The following NLK variants were observed in gnomAD, a reference collection of about 807,000 sequenced individuals.
NLK encodes nemo like kinase, also known as serine/threonine-protein kinase NLK.
NLK carries 11 observed loss-of-function variants against 59.0 expected under a neutral mutation model. The ratio of observed to expected loss-of-function variants is 0.19; its 90% confidence interval spans 0.12 to 0.31. NLK has a LOEUF of 0.31. NLK is among the 10% of genes least tolerant of loss of function. The probability of loss-of-function intolerance (pLI) is 1.00; values close to 1 mark genes in which losing one functional copy is unlikely to be tolerated. For missense variants in NLK, 410 were observed against 661.1 expected (o/e 0.62, Z 4.16); for synonymous variants, 235 against 235.9 (o/e 1.00, Z 0.03).
intron 7 of NLK, among the ~76,000 whole-genome samples, chr17:28,174,509 T>A (rs1478808040): frequency 6.6e-6 from 1 of 152,206 alleles, no homozygotes; most frequent in Non-Finnish European, 1.5e-5. Flanking sequence ...TTCCGCTTAA[T>A]GGCTAGATGC....
the NLK span, among the ~76,000 whole-genome samples, chr17:28,203,399 C>A: frequency 1.1e-4 from 17 of 152,176 alleles, no homozygotes; most frequent in Non-Finnish European, 2.1e-4. Context: ...TCACCACTGT[C>A]ACTCTCATGG....
chr17:28,090,640 C>T (rs1323805495), intron 1 of NLK, among the ~76,000 whole-genome samples: 1 of 151,888 alleles, frequency 6.6e-6, no homozygotes, highest in Non-Finnish European at 1.5e-5. Context: ...GGGAGGATCG[C>T]TTGAGGCCAG....
At chr17:28,083,490 A>G (rs1459895511) in intron 1 of NLK, among the ~76,000 whole-genome samples, 1 of 152,194 alleles carries the variant, frequency 6.6e-6, no homozygotes, top group Non-Finnish European at 1.5e-5. Flanking sequence ...GAGCCTTTGT[A>G]GTGAATGCTA....
the NLK span, among the ~76,000 whole-genome samples, chr17:28,204,783 A>G: frequency 6.6e-6 from 1 of 152,236 alleles, no homozygotes; most frequent in African/African-American, 2.4e-5. Context: ...GTTGGGGTTC[A>G]GGGCTGGATA....
intron 5 of NLK, among the ~76,000 whole-genome samples, chr17:28,166,076 G>A (rs535928405): frequency 1.8e-4 from 27 of 152,266 alleles, no homozygotes; most frequent in Middle Eastern, 3.4e-3. Flanking sequence ...TTAGCCAGGC[G>A]TGGTGGCGCA....
At chr17:28,168,416 T>TTGATAATG in intron 5 of NLK, 32 bp from the exon 6 acceptor site, 4 of 1,466,248 alleles carry the variant, frequency 2.7e-6, no homozygotes, top group Non-Finnish European at 3.8e-6. Flanking sequence ...TTGTATTTGC[T>TTGATAATG]TGATAATGTT....
At position 28,051,655 on chromosome 17, in the gene NLK, C is replaced by CTTTTTTTTT. The variant is rs749091116; in HGVS notation, c.458+8331_458+8339dup. Among the ~76,000 whole-genome samples, 746 of 137,822 alleles carry CTTTTTTTTT rather than the reference C, an allele frequency of 5.4e-3. 9 individuals carry two copies. Among genetic ancestry groups the CTTTTTTTTT allele is most frequent in the African/African-American group, 0.019 (701 of 37,490 alleles). 90.4% of individuals were successfully genotyped at this position (137,822 alleles called of 152,430 possible). On this transcript the variant is annotated intron_variant, in intron 1 of 10. Coordinates refer to ENST00000407008, the MANE Select transcript of NLK (RefSeq NM_016231.5). ...TACAGTTGTGAGCCACTGCGCCCGG[C>CTTTTTTTTT]TTTTTTTTTTTTTTTAAACAATGGG...
Position 28,052,862 on chromosome 17 carries a change from CCAG to C in NLK, c.458+9534_458+9536del, listed in dbSNP as rs113607018. Among the ~76,000 whole-genome samples the C allele has an allele frequency of 2.6e-3, 389 of 151,074 alleles. 4 individuals carry two copies. Among genetic ancestry groups the C allele is most frequent in the African/African-American group, 8.7e-3 (359 of 41,134 alleles). ...TTCTGTAGCCACACATGGCTACTGACCAGCACCAGCATATTGATCTCTGGTGTT... is the reference window on the plus strand; with the variant it reads ...TTCTGTAGCCACACATGGCTACTGACCACCAGCATATTGATCTCTGGTGTT... On this transcript the variant is annotated intron_variant, in intron 1 of 10. Coordinates refer to ENST00000407008, the MANE Select transcript of NLK (RefSeq NM_016231.5).
intron 1 of NLK, among the ~76,000 whole-genome samples, chr17:28,089,115 A>G (rs1355165012): frequency 6.6e-6 from 1 of 152,212 alleles, no homozygotes; most frequent in Non-Finnish European, 1.5e-5. Context: ...GAACTTTGTT[A>G]AAATCATATG....
At chr17:28,082,853 T>G (rs1910394357) in intron 1 of NLK, among the ~76,000 whole-genome samples, 1 of 152,226 alleles carries the variant, frequency 6.6e-6, no homozygotes, top group Admixed American at 6.5e-5. Context: ...TCACTTATCC[T>G]AAAAGATACC....
At chr17:28,086,770 C>T (rs1198957118) in intron 1 of NLK, among the ~76,000 whole-genome samples, 8 of 151,702 alleles carry the variant, frequency 5.3e-5, no homozygotes, top group Admixed American at 3.3e-4. Context: ...TGGTGGCTCA[C>T]GCCTATAATC....
intron 3 of NLK, among the ~76,000 whole-genome samples, chr17:28,142,701 C>T (rs1183102091): frequency 6.6e-6 from 1 of 152,040 alleles, no homozygotes; most frequent in Non-Finnish European, 1.5e-5. Flanking sequence ...AAACTTCCTT[C>T]CCCTGTGCAC....
At chr17:28,065,346 A>G (rs779964889) in intron 1 of NLK, among the ~76,000 whole-genome samples, 10 of 152,040 alleles carry the variant, frequency 6.6e-5, no homozygotes, top group Non-Finnish European at 1.5e-4. Context: ...GGGCAGCTCA[A>G]GCAGAGGGAA....
chr17:28,174,776 C>T (rs1156770217), intron 7 of NLK, among the ~76,000 whole-genome samples: 1 of 152,140 alleles, frequency 6.6e-6, no homozygotes, highest in Admixed American at 6.5e-5. Flanking sequence ...TCAACAGGTT[C>T]TTGAAGCTCT....
At chr17:28,075,461 T>G (rs182796168) in intron 1 of NLK, among the ~76,000 whole-genome samples, 39 of 152,344 alleles carry the variant, frequency 2.6e-4, no homozygotes, top group African/African-American at 9.4e-4. Flanking sequence ...ACAACTTGTA[T>G]GGCAACTTCT....
chr17:28,176,908 G>GA (rs1908702090), intron 7 of NLK, among the ~76,000 whole-genome samples: 1 of 152,130 alleles, frequency 6.6e-6, no homozygotes, highest in African/African-American at 2.4e-5. Flanking sequence ...AGGGGCTGGG[G>GA]TGCCAACTCC....
intron 2 of NLK, among the ~76,000 whole-genome samples, chr17:28,130,296 T>C (rs1906464823): frequency 6.6e-6 from 1 of 152,180 alleles, no homozygotes; most frequent in East Asian, 1.9e-4. Flanking sequence ...TCATTTACAT[T>C]GCTTTTGAGA....
At chr17:28,079,696 T>C (rs1207320030) in intron 1 of NLK, among the ~76,000 whole-genome samples, 1 of 152,200 alleles carries the variant, frequency 6.6e-6, no homozygotes, top group African/African-American at 2.4e-5. Flanking sequence ...TTTGTTGTTG[T>C]TGAGTTGTCA....
chr17:28,092,926 G>A (rs1040654893), intron 1 of NLK, among the ~76,000 whole-genome samples: 5 of 151,966 alleles, frequency 3.3e-5, no homozygotes, highest in Non-Finnish European at 4.4e-5. Flanking sequence ...CTCCCGAGTA[G>A]CTGGGACTAC....
Sources: gnomAD v4.1 joint callset for allele counts (sites outside exome capture counted in the v4.1 genomes callset) on GRCh38, gnomAD v4.1.1 for gene constraint, MANE v1.5 for transcripts, NCBI Gene and HGNC (gene_info 2026-07-23, HGNC 2026-07-21) for gene names.